The following PATJ variants were observed in gnomAD, a reference collection of about 807,000 sequenced individuals.
PATJ encodes the protein inaD-like protein.
Under a neutral mutation model 224.9 loss-of-function variants are expected in PATJ, and 190 were observed. That is an observed-to-expected ratio of 0.84 (90% CI 0.75 to 0.95). The LOEUF is 0.95. PATJ is among the 40% of genes least tolerant of loss of function. PATJ has a pLI of 0.00. For missense variants in PATJ, 2,121 were observed against 2,270.3 expected (o/e 0.93, Z 1.34); for synonymous variants, 769 against 820.3 (o/e 0.94, Z 1.07).
chr1:61,799,931 T>C (rs1652122811), intron 11 of PATJ, among the ~76,000 whole-genome samples: 1 of 152,140 alleles, frequency 6.6e-6, no homozygotes, highest in Non-Finnish European at 1.5e-5. Context: ...AAACAAAACA[T>C]AGTTTCATTC....
intron 27 of PATJ, among the ~76,000 whole-genome samples, chr1:61,959,234 T>G (rs1166858279): frequency 6.6e-6 from 1 of 151,776 alleles, no homozygotes; most frequent in Non-Finnish European, 1.5e-5. Context: ...TTGAAAGAAA[T>G]TAGTATGGGA....
chr1:61,860,728 G>A (rs1049506158), intron 18 of PATJ, among the ~76,000 whole-genome samples: 3 of 152,030 alleles, frequency 2.0e-5, no homozygotes, highest in Non-Finnish European at 2.9e-5. Flanking sequence ...TTTGGAGGCT[G>A]TGGCAGGAGA....
intron 22 of PATJ, among the ~76,000 whole-genome samples, chr1:61,886,073 T>C (rs914550674): frequency 1.3e-5 from 2 of 151,868 alleles, no homozygotes; most frequent in African/African-American, 4.8e-5. Context: ...ATATACCTAA[T>C]GCTAAATGAC....
intron 28 of PATJ, among the ~76,000 whole-genome samples, chr1:62,007,512 G>T (rs1247673432): frequency 6.6e-6 from 1 of 152,238 alleles, no homozygotes; most frequent in African/African-American, 2.4e-5. Flanking sequence ...CTAGGAGATT[G>T]AAAGAGGTAT....
chr1:62,029,936 G>A (rs1472343658), intron 29 of PATJ, among the ~76,000 whole-genome samples: 4 of 152,114 alleles, frequency 2.6e-5, no homozygotes, highest in African/African-American at 9.7e-5. Flanking sequence ...ATCCATAGAG[G>A]GAACTCATTG....
At chr1:61,853,115 T>C (rs1200944361) in intron 17 of PATJ, among the ~76,000 whole-genome samples, 3 of 152,202 alleles carry the variant, frequency 2.0e-5, no homozygotes, top group African/African-American at 4.8e-5. Context: ...GAATACATTT[T>C]AGTAAGAAAG....
At chr1:62,122,092 C>T (rs903736885) in intron 38 of PATJ, among the ~76,000 whole-genome samples, 15 of 151,858 alleles carry the variant, frequency 9.9e-5, no homozygotes, top group East Asian at 1.9e-4. Context: ...CAGCCGGGCC[C>T]GGTGGCTCAT....
At chr1:62,126,406 C>G (rs907393198) in intron 39 of PATJ, among the ~76,000 whole-genome samples, 1 of 152,144 alleles carries the variant, frequency 6.6e-6, no homozygotes, top group Non-Finnish European at 1.5e-5. Context: ...GTTTCAGAGG[C>G]CACAGGTAGT....
chr1:61,952,484 A>T (rs1490294763), intron 27 of PATJ: 1 of 713,300 alleles, frequency 1.4e-6, no homozygotes, highest in Non-Finnish European at 2.6e-6. Flanking sequence ...GTGTTGGTGC[A>T]GAATGTGGTT....
intron 29 of PATJ, among the ~76,000 whole-genome samples, chr1:62,028,994 T>TACATACATACATACAC (rs1350355669): frequency 2.0e-5 from 3 of 151,820 alleles, no homozygotes; most frequent in Admixed American, 6.6e-5. Flanking sequence ...CATACATACA[T>TACATACATACATACAC]ACACGTATAC....
At position 62,037,992 on chromosome 1, in the gene PATJ, C is replaced by T; in HGVS notation, c.3975C>T (p.Val1325=). The change falls in exon 30 of 44, where the codon GTC becomes GTT. Residue 1325 remains valine (V), a synonymous_variant. Transcript: ENST00000642238. ...KLVFIRNEDA[V]NQMAVTPFPV... is the part of the protein sequence containing the mutation. ...CACTTCACAGAAACGAGGATGCAGTCAATCAGATGGCCGTTACTCCCTTTC... is the reference window on the plus strand; with the variant it reads ...CACTTCACAGAAACGAGGATGCAGTTAATCAGATGGCCGTTACTCCCTTTC... The T allele has an allele frequency of 6.2e-7, 1 of 1,605,462 alleles. No homozygotes were observed. The highest frequency in any genetic ancestry group is 8.5e-7 in the Non-Finnish European group (1 of 1,175,166).
At position 62,139,399 on chromosome 1, in the gene PATJ, C is replaced by CAA. The variant is rs4019658; in HGVS notation, c.5272-8859_5272-8858dup. On this transcript the variant is annotated intron_variant, in intron 41 of 43. Transcript: ENST00000642238. Reference sequence around the variant, plus strand: ...TGGGCGACACAGCGAGACTCCATCTCAAAAAAAAAAAAAAAAAAAAAAAAA... The same window carrying CAA: ...TGGGCGACACAGCGAGACTCCATCTCAAAAAAAAAAAAAAAAAAAAAAAAAAA... 3.4e-4 allele frequency among the ~76,000 whole-genome samples: 32 copies of CAA among 94,896 alleles called. No individual in the cohort carries two copies. The South Asian group carries it at 6.0e-3, about 18-fold the overall frequency. The allele number at this position is 94,896 out of a possible 152,430, so 62.3% of individuals were successfully genotyped here. A position where few individuals can be genotyped will look rare whatever the true frequency, so the allele number is the denominator to read the frequency against.
intron 24 of PATJ, among the ~76,000 whole-genome samples, chr1:61,904,321 G>A (rs1671583233): frequency 6.6e-6 from 1 of 152,086 alleles, no homozygotes; most frequent in African/African-American, 2.4e-5. Context: ...ACAAAGAAGT[G>A]TACAGGGAAG....
Position 62,082,753 on chromosome 1 carries a change from A to G in PATJ, c.4244-1762A>G, listed in dbSNP as rs558488885. Among the ~76,000 whole-genome samples, 4 of 151,810 alleles carry G rather than the reference A, an allele frequency of 2.6e-5. No homozygotes were observed. In the East Asian group the frequency reaches 7.8e-4, roughly 29 times the overall value. ...AGACACTGAGATTTAGACTCATATC[A>G]TTTTCACATGCTTTGAGACATTATT... On this transcript the variant is annotated intron_variant, in intron 32 of 43. Transcript: ENST00000642238.
chr1:61,959,426 T>TATATATATATA (rs371038532), intron 27 of PATJ, among the ~76,000 whole-genome samples: 16 of 99,682 alleles, frequency 1.6e-4, no homozygotes, highest in Admixed American at 2.0e-4. Context: ...ATATAATATA[T>TATATATATATA]TTTTTTTCTT....
At position 62,160,930 on chromosome 1, in the gene PATJ, G is replaced by T; in HGVS notation, c.5525G>T (p.Arg1842Leu). 6.2e-7 allele frequency: 1 copy of T among 1,613,928 alleles called. No homozygotes were observed. Among genetic ancestry groups the T allele is most frequent in the Non-Finnish European group, 8.5e-7 (1 of 1,179,964 alleles). ...TAGGGAGCAGCTGCAGATGACGGCC[G>T]ATTAAAACGAGGGGATCAGATTTTA... ...FAKGAAADDG[R>L]LKRGDQILAV... Residue 1842 changes from arginine to leucine, a missense_variant, in exon 44 of 44, where the codon CGA (arginine) becomes CTA (leucine). Physicochemically the swap from Arg to Leu is moderately radical, Grantham distance 102 (BLOSUM62 -2). Coordinates refer to ENST00000642238, the MANE Select transcript of PATJ (RefSeq NM_001350145.3).
Position 62,132,553 on chromosome 1 carries a change from G to C in PATJ, c.5271+3608G>C, listed in dbSNP as rs1666369486. ...TTAGGGAGTAAGAATCTGTAATGGGGGTAAAGGAGCAAGGACTCTTTCATT... is the reference window on the plus strand; with the variant it reads ...TTAGGGAGTAAGAATCTGTAATGGGCGTAAAGGAGCAAGGACTCTTTCATT... On this transcript the variant is annotated intron_variant, in intron 41 of 43. Coordinates refer to ENST00000642238, the MANE Select transcript of PATJ (RefSeq NM_001350145.3). 5.3e-5 allele frequency among the ~76,000 whole-genome samples: 8 copies of C among 151,976 alleles called. No individual in the cohort carries two copies. The South Asian group carries it at 1.7e-3, about 32-fold the overall frequency.
chr1:61,979,656 GAA>G (rs3060965), intron 27 of PATJ, among the ~76,000 whole-genome samples: 1 of 137,148 alleles, frequency 7.3e-6, no homozygotes, highest in African/African-American at 2.7e-5. Context: ...CGTCTCAAAA[GAA>G]AAAAAAAAAA....
rs1169350933 is a variant in PATJ, at chr1:62,137,836, G to A, written c.5271+8891G>A. On this transcript the variant is annotated intron_variant, in intron 41 of 43. Transcript: ENST00000642238. The stretch of plus-strand genomic sequence containing the variant: ...GGATTTCTTCCTGCTTTTTCTTCAG[G>A]CCAGTGGCCTCCCTCACCTCAGGTG... 2.0e-5 allele frequency among the ~76,000 whole-genome samples: 3 copies of A among 151,894 alleles called. No individual in the cohort carries two copies. In the East Asian group the frequency reaches 5.8e-4, roughly 29 times the overall value.
Sources: gnomAD v4.1 joint callset for allele counts (sites outside exome capture counted in the v4.1 genomes callset) on GRCh38, gnomAD v4.1.1 for gene constraint, MANE v1.5 for transcripts, NCBI Gene and HGNC (gene_info 2026-07-23, HGNC 2026-07-21) for gene names.